F13A1: variants seen among roughly 807,000 people sequenced by gnomAD.
F13A1 encodes coagulation factor XIII A chain.
Under a neutral mutation model 80.1 loss-of-function variants are expected in F13A1, and 47 were observed. The observed-to-expected ratio is 0.59, with a 90% CI of 0.46 to 0.75. The LOEUF is 0.75. F13A1 is among the 30% of genes least tolerant of loss of function. The pLI is 0.00. For missense variants in F13A1, 817 were observed against 930.4 expected, an observed-to-expected ratio of 0.88 and a Z score of 1.59; for synonymous variants, 349 against 344.9, an observed-to-expected ratio of 1.01 and a Z score of -0.13.
At chr6:6,223,138 T>A (rs572026342) in intron 7 of F13A1, among the ~76,000 whole-genome samples, 1 of 152,356 alleles carries the variant, frequency 6.6e-6, no homozygotes, top group African/African-American at 2.4e-5. Flanking sequence ...AAAGTGAGGC[T>A]TGACTTTAGG....
At chr6:6,252,221 A>G (rs189755883) in intron 4 of F13A1, among the ~76,000 whole-genome samples, 1 of 152,352 alleles carries the variant, frequency 6.6e-6, no homozygotes, top group Non-Finnish European at 1.5e-5. Context: ...GAAAAGATTT[A>G]AGTGACATAC....
intron 4 of F13A1, among the ~76,000 whole-genome samples, chr6:6,254,999 A>T (rs1054013144): frequency 2.0e-5 from 3 of 152,094 alleles, no homozygotes; most frequent in Admixed American, 2.0e-4. Context: ...TTTAAGAGCA[A>T]TATAGGGTTG....
intron 2 of F13A1, among the ~76,000 whole-genome samples, chr6:6,307,091 A>C (rs1378764499): frequency 1.3e-5 from 2 of 152,148 alleles, no homozygotes; most frequent in African/African-American, 4.8e-5. Context: ...GGATACTAAT[A>C]CCCTGAGAAG....
At chr6:6,264,135 T>C (rs1293656326) in intron 4 of F13A1, among the ~76,000 whole-genome samples, 1 of 152,224 alleles carries the variant, frequency 6.6e-6, no homozygotes, top group Non-Finnish European at 1.5e-5. Context: ...AGAAGGTTAT[T>C]AGATTGTCCA....
intron 14 of F13A1, among the ~76,000 whole-genome samples, chr6:6,149,646 G>C (rs561169090): frequency 6.6e-6 from 1 of 152,314 alleles, no homozygotes; most frequent in South Asian, 2.1e-4. Context: ...AACCGAATTG[G>C]TCGGCACCTT....
At chr6:6,267,013 T>G (rs560167080) in intron 3 of F13A1, among the ~76,000 whole-genome samples, 2 of 152,362 alleles carry the variant, frequency 1.3e-5, no homozygotes, top group Admixed American at 1.3e-4. Flanking sequence ...TCACTTCATT[T>G]GTTTTCTATA....
chr6:6,200,101 G>C (rs1241082293), intron 8 of F13A1, among the ~76,000 whole-genome samples: 1 of 152,172 alleles, frequency 6.6e-6, no homozygotes, highest in African/African-American at 2.4e-5. Context: ...AGTGCCTGTG[G>C]GAAACCCAGG....
At chr6:6,193,126 C>G (rs888741535) in intron 10 of F13A1, among the ~76,000 whole-genome samples, 19 of 152,112 alleles carry the variant, frequency 1.2e-4, no homozygotes, top group African/African-American at 4.6e-4. Flanking sequence ...AAATAAGCTT[C>G]AAGCCCTGGC....
intron 12 of F13A1, chr6:6,169,233 C>A (rs1297736277): frequency 1.3e-5 from 2 of 152,268 alleles, no homozygotes; most frequent in Non-Finnish European, 2.9e-5. Flanking sequence ...GTAGAATCAG[C>A]CCTGCAGACA....
At chr6:6,261,165 C>T (rs1468918079) in intron 4 of F13A1, among the ~76,000 whole-genome samples, 1 of 152,132 alleles carries the variant, frequency 6.6e-6, no homozygotes, top group African/African-American at 2.4e-5. Flanking sequence ...GATGGGGTTT[C>T]ACCATGTTGA....
At position 6,269,231 on chromosome 6, in the gene F13A1, C is replaced by A. The variant is rs189482181; in HGVS notation, c.320-2422G>T. On this transcript the variant is annotated intron_variant, in intron 3 of 14. Transcript: ENST00000264870. ...CCTGTCAACTAAAACTTTGCTTCTT[C>A]TACAAAATGGAGATCATGGTGGTCA... is the stretch of plus-strand genomic sequence containing the variant. Among the ~76,000 whole-genome samples, 25 of 152,132 alleles carry A rather than the reference C, an allele frequency of 1.6e-4. No homozygotes were observed. The East Asian group carries it at 4.8e-3, about 29-fold the overall frequency.
At chr6:6,181,118 C>A (rs557228685) in intron 11 of F13A1, among the ~76,000 whole-genome samples, 1 of 152,290 alleles carries the variant, frequency 6.6e-6, no homozygotes, top group South Asian at 2.1e-4. Context: ...CCTAAACATA[C>A]CGGGCTGCTG....
chr6:6,291,648 G>A (rs776124234), intron 3 of F13A1, among the ~76,000 whole-genome samples: 1 of 152,084 alleles, frequency 6.6e-6, no homozygotes, highest in Non-Finnish European at 1.5e-5. Context: ...CACAACTCTC[G>A]TGGATTGAGT....
At chr6:6,237,323 A>G (rs1757426549) in intron 6 of F13A1, among the ~76,000 whole-genome samples, 1 of 152,132 alleles carries the variant, frequency 6.6e-6, no homozygotes, top group South Asian at 2.1e-4. Flanking sequence ...AATGCACAAG[A>G]AAAAAGAAAT....
chr6:6,226,459 G>A (rs1184953661), intron 6 of F13A1, among the ~76,000 whole-genome samples: 1 of 152,200 alleles, frequency 6.6e-6, no homozygotes, highest in Non-Finnish European at 1.5e-5. Context: ...TAAGCAATGT[G>A]AAACATATGA....
intron 3 of F13A1, among the ~76,000 whole-genome samples, chr6:6,270,209 A>C (rs1757903073): frequency 6.6e-6 from 1 of 152,068 alleles, no homozygotes; most frequent in South Asian, 2.1e-4. Flanking sequence ...AGGATTTCAC[A>C]TTTTATTTAT....
At chr6:6,166,206 G>A (rs3024484) in intron 13 of F13A1, among the ~76,000 whole-genome samples, 224 of 152,338 alleles carry the variant, frequency 1.5e-3, no homozygotes, top group Non-Finnish European at 2.7e-3. Context: ...TCTGTAAAGT[G>A]ATGCCAGTAC....
intron 2 of F13A1, among the ~76,000 whole-genome samples, chr6:6,311,861 T>C (rs988901843): frequency 6.9e-6 from 1 of 145,088 alleles, no homozygotes; most frequent in Non-Finnish European, 1.5e-5. Context: ...TATTTGTTTG[T>C]TTTCACTATG....
chr6:6,250,146 C>T lies in F13A1; in HGVS notation c.690+665G>A, dbSNP rs776105497. ...AAATGACATTCGCCCCCGCTTGTGT[C>T]GCTAATTAAAAATCATTTTGAAATC... is the stretch of plus-strand genomic sequence containing the variant. On this transcript the variant is annotated intron_variant, in intron 5 of 14. Transcript: ENST00000264870. The surrounding 1 kb of genome is among the most constrained non-coding windows in gnomAD (Gnocchi z 4.2). 6.6e-6 allele frequency among the ~76,000 whole-genome samples: 1 copy of T among 152,096 alleles called. No homozygotes were observed. Among genetic ancestry groups the T allele is most frequent in the Non-Finnish European group, 1.5e-5 (1 of 68,030 alleles).
Sources: allele counts gnomAD v4.1 joint callset (sites outside exome capture counted in the v4.1 genomes callset), GRCh38; gene constraint gnomAD v4.1.1; non-coding constraint Gnocchi (gnomAD v3.1); transcripts MANE v1.5; gene names NCBI Gene and HGNC (gene_info 2026-07-23, HGNC 2026-07-21).